Variants in LAMA1 observed in about 807,000 individuals in gnomAD.
LAMA1 encodes the protein laminin subunit alpha 1.
A neutral mutation model predicts 348.7 loss-of-function variants in LAMA1; 219 were observed. The ratio of observed to expected loss-of-function variants is 0.63; its 90% confidence interval spans 0.56 to 0.70. The LOEUF is 0.70. Ranked by LOEUF, LAMA1 falls within the 30% of genes least tolerant of loss-of-function variation. LAMA1 has a pLI of 0.00. For synonymous variants in LAMA1, 1,487 were observed against 1,491.0 expected (o/e 1.00, Z 0.06); for missense variants, 3,744 against 3,888.0 (o/e 0.96, Z 0.99).
intron 1 of LAMA1, among the ~76,000 whole-genome samples, chr18:7,112,699 C>T (rs910486865): frequency 2.7e-5 from 4 of 150,620 alleles, no homozygotes; most frequent in Admixed American, 6.7e-5. Flanking sequence ...TGCAATGGCA[C>T]GATCTCGGCT....
At chr18:7,070,920 A>C (rs2058143316) in intron 3 of LAMA1, among the ~76,000 whole-genome samples, 1 of 151,024 alleles carries the variant, frequency 6.6e-6, no homozygotes, top group Non-Finnish European at 1.5e-5. Flanking sequence ...AAAAAAAAAA[A>C]ACACGTTAGG....
At chr18:7,012,217 C>A in intron 23 of LAMA1, 79 bp from the exon 24 acceptor site, 3 of 1,440,424 alleles carry the variant, frequency 2.1e-6, no homozygotes, top group Non-Finnish European at 2.9e-6. Flanking sequence ...CAAAATAGAG[C>A]ACAAACATAA....
At chr18:7,102,322 G>C (rs917094265) in intron 1 of LAMA1, among the ~76,000 whole-genome samples, 8 of 152,034 alleles carry the variant, frequency 5.3e-5, no homozygotes, top group Non-Finnish European at 1.2e-4. Context: ...TTCTGTTCCT[G>C]AGAGGAGGAG....
At chr18:7,086,128 A>C (rs2058216220) in intron 1 of LAMA1, among the ~76,000 whole-genome samples, 1 of 152,236 alleles carries the variant, frequency 6.6e-6, no homozygotes, top group African/African-American at 2.4e-5. Context: ...TTAGGTGTGC[A>C]GCACTGTGCC....
chr18:6,991,940 T>G (rs1460593160), intron 36 of LAMA1, among the ~76,000 whole-genome samples: 1 of 152,232 alleles, frequency 6.6e-6, no homozygotes, highest in African/African-American at 2.4e-5. Flanking sequence ...TAAAGTATCA[T>G]GTAACTATTT....
chr18:7,037,554 C>G, intron 12 of LAMA1, 24 bp downstream of exon 12: 1 of 1,613,370 alleles, frequency 6.2e-7, no homozygotes, highest in Non-Finnish European at 8.5e-7. Flanking sequence ...TCTGAGACAT[C>G]GCTACCTGCA....
At chr18:7,075,478 C>T (rs890722457) in intron 3 of LAMA1, among the ~76,000 whole-genome samples, 9 of 151,460 alleles carry the variant, frequency 5.9e-5, no homozygotes, top group Non-Finnish European at 1.3e-4. Flanking sequence ...CAAAATTAGC[C>T]GGGCATGGTG....
At chr18:7,067,763 G>A (rs527507241) in intron 3 of LAMA1, among the ~76,000 whole-genome samples, 1 of 152,224 alleles carries the variant, frequency 6.6e-6, no homozygotes, top group East Asian at 1.9e-4. Context: ...GACATGCCAG[G>A]CTTTCTAATT....
intron 53 of LAMA1, among the ~76,000 whole-genome samples, chr18:6,961,385 G>C (rs111336972): frequency 1.3e-5 from 2 of 152,304 alleles, no homozygotes; most frequent in African/African-American, 4.8e-5. Flanking sequence ...AGACAATGAA[G>C]ATGGATTATG....
At chr18:7,028,734 T>C (rs1290245941) in intron 16 of LAMA1, among the ~76,000 whole-genome samples, 2 of 152,160 alleles carry the variant, frequency 1.3e-5, no homozygotes, top group South Asian at 2.1e-4. Flanking sequence ...TTTAAAACAT[T>C]CTAAAAGAAA....
chr18:7,040,088 G>A lies in LAMA1; in HGVS notation c.1410C>T (p.Pro470=). 1.9e-6 allele frequency: 3 copies of A among 1,614,018 alleles called. No individual in the cohort carries two copies. The highest frequency in any genetic ancestry group is 2.5e-6 in the Non-Finnish European group (3 of 1,180,022). ...CCTCCCCACTTACCTTACAAACACA[G>A]GGCCCTGTGCAGGGCTCATCACTGG... is the stretch of plus-strand genomic sequence containing the variant. The part of the protein sequence containing the change: ...GSASDEPCTG[P]CVCKENVEGK... Residue 470 remains proline, a synonymous_variant, in exon 10 of 63, where the codon CCC becomes CCT. Coordinates refer to ENST00000389658, the MANE Select transcript of LAMA1 (RefSeq NM_005559.4).
rs1469939482 is a variant in LAMA1, at chr18:7,081,158, AAAC to A, written c.62-704_62-702del. 8.5e-5 allele frequency among the ~76,000 whole-genome samples: 13 copies of A among 152,280 alleles called. No individual in the cohort carries two copies. The East Asian group carries it at 2.5e-3, about 29-fold the overall frequency. On this transcript the variant is annotated intron_variant, in intron 1 of 62. Coordinates refer to ENST00000389658, the MANE Select transcript of LAMA1 (RefSeq NM_005559.4). ...ACAATAGAGCGAGACTGAGCCTCAA[AAAC>A]AACAACAAAAAAAAACCAAGGCGAG... is the stretch of plus-strand genomic sequence containing the variant.
Position 7,049,093 on chromosome 18 carries a change from A to G in LAMA1, c.753T>C (p.Pro251=), listed in dbSNP as rs190504110. ...LSHREPKELD[P]IVTRRYYYSI... ...CCATACTCACGCGTCTGGTAACAATAGGATCCAGTTCTTTAGGTTCCCGGT... is the reference window on the plus strand; with the variant it reads ...CCATACTCACGCGTCTGGTAACAATGGGATCCAGTTCTTTAGGTTCCCGGT... The change falls in exon 5 of 63, where the codon CCT becomes CCC. Residue 251 remains proline (P), a synonymous_variant. Transcript: ENST00000389658. 35 of 1,614,080 alleles carry G rather than the reference A, an allele frequency of 2.2e-5. No homozygotes were observed. In the East Asian group the frequency reaches 6.9e-4, roughly 32 times the overall value.
intron 1 of LAMA1, among the ~76,000 whole-genome samples, chr18:7,113,577 G>A (rs750365233): frequency 3.9e-5 from 6 of 152,084 alleles, no homozygotes; most frequent in East Asian, 3.9e-4. Context: ...ATAAAGAAAC[G>A]GTGAGAAATG....
At chr18:6,964,897 A>G in intron 50 of LAMA1, 94 bp from the exon 51 acceptor site, 11 of 1,376,022 alleles carry the variant, frequency 8.0e-6, no homozygotes, top group Non-Finnish European at 1.0e-5. Context: ...CTCATTTACA[A>G]ATGCATATTC....
chr18:6,986,098 C>A (rs1600373372), intron 37 of LAMA1, 39 bp downstream of exon 37: 1 of 1,607,424 alleles, frequency 6.2e-7, no homozygotes, highest in South Asian at 1.1e-5. Context: ...TATTTTGTTA[C>A]CTGTTCTAAT....
intron 36 of LAMA1, among the ~76,000 whole-genome samples, chr18:6,988,106 C>T (rs1426862357): frequency 6.6e-6 from 1 of 151,844 alleles, no homozygotes; most frequent in Admixed American, 6.6e-5. Context: ...AGAGTGAGAC[C>T]GTGTCTCAAA....
intron 36 of LAMA1, among the ~76,000 whole-genome samples, chr18:6,991,233 C>T (rs527646601): frequency 6.6e-6 from 1 of 152,010 alleles, no homozygotes; most frequent in Non-Finnish European, 1.5e-5. Flanking sequence ...AAAAATTATG[C>T]TCTATGATGA....
At chr18:6,974,035 G>C (rs530789092) in intron 46 of LAMA1, among the ~76,000 whole-genome samples, 1 of 152,028 alleles carries the variant, frequency 6.6e-6, no homozygotes, top group African/African-American at 2.4e-5. Context: ...CTCCCACCTC[G>C]GCCTCCCAAA....
Sources: gnomAD v4.1 joint callset for allele counts (sites outside exome capture counted in the v4.1 genomes callset) on GRCh38, gnomAD v4.1.1 for gene constraint, MANE v1.5 for transcripts, NCBI Gene and HGNC (gene_info 2026-07-23, HGNC 2026-07-21) for gene names.